CCDC146: variants seen among roughly 807,000 people sequenced by gnomAD.
The protein encoded by CCDC146 is coiled-coil domain-containing protein 146.
Under a neutral mutation model 119.3 loss-of-function variants are expected in CCDC146, and 92 were observed. That is an observed-to-expected ratio of 0.77 (90% CI 0.65 to 0.92). CCDC146 has a LOEUF of 0.92. Ranked by LOEUF, CCDC146 falls within the 40% of genes least tolerant of loss-of-function variation. The pLI, the probability that CCDC146 is intolerant of heterozygous loss-of-function variation, is 0.00. For synonymous variants in CCDC146, 372 were observed against 371.8 expected, an observed-to-expected ratio of 1.00 and a Z score of -0.01; for missense variants, 1,000 against 1,103.0, an observed-to-expected ratio of 0.91 and a Z score of 1.32.
intron 2 of CCDC146, among the ~76,000 whole-genome samples, chr7:77,180,123 A>G (rs1791561556): frequency 6.6e-6 from 1 of 151,464 alleles, no homozygotes. Context: ...TACCATATAT[A>G]TGCACCCATA....
chr7:77,131,001 C>T (rs1336230190), intron 1 of CCDC146, among the ~76,000 whole-genome samples: 1 of 151,786 alleles, frequency 6.6e-6, no homozygotes, highest in Non-Finnish European at 1.5e-5. Context: ...AAGCGATTCT[C>T]CCGCCTCAGG....
In CCDC146 at chr7:77,265,485, T is replaced by C. The variant is rs540782303; in HGVS notation, c.1173+3178T>C. 1.4e-4 allele frequency among the ~76,000 whole-genome samples: 21 copies of C among 152,274 alleles called. No individual in the cohort carries two copies. In the South Asian group the frequency reaches 1.5e-3, roughly 11 times the overall value. ...TAACCTAAATAGAAGCAATAATTTG[T>C]CTCATAAATTAATACTTCTTAGCTC... On this transcript the variant is annotated intron_variant, in intron 9 of 18. Transcript: ENST00000285871.
intron 2 of CCDC146, among the ~76,000 whole-genome samples, chr7:77,211,688 T>C (rs1792187610): frequency 6.6e-6 from 1 of 152,132 alleles, no homozygotes; most frequent in Non-Finnish European, 1.5e-5. Flanking sequence ...TGATCTCAGC[T>C]CACTGTAACC....
intron 4 of CCDC146, among the ~76,000 whole-genome samples, chr7:77,252,172 T>A (rs1793088326): frequency 6.6e-6 from 1 of 151,662 alleles, no homozygotes; most frequent in Admixed American, 6.6e-5. Flanking sequence ...CAAAAACAGA[T>A]CTATAGGCAT....
chr7:77,153,284 A>T (rs1791132110), intron 1 of CCDC146, among the ~76,000 whole-genome samples: 1 of 152,212 alleles, frequency 6.6e-6, no homozygotes, highest in Non-Finnish European at 1.5e-5. Flanking sequence ...GGTGTGAGAA[A>T]GAGGAAGGGG....
At chr7:77,266,421 T>C (rs539926459) in intron 9 of CCDC146, among the ~76,000 whole-genome samples, 5 of 152,338 alleles carry the variant, frequency 3.3e-5, no homozygotes, top group Non-Finnish European at 5.9e-5. Flanking sequence ...AGATTCTAGA[T>C]CCATTGAATT....
rs1164799911 is a variant in CCDC146 at position 77,122,743 on chromosome 7, G to C, written c.-12+11G>C. 1 of 158,278 alleles carries C rather than the reference G, an allele frequency of 6.3e-6. No homozygotes were observed. The highest frequency in any genetic ancestry group is 1.4e-5 in the Non-Finnish European group (1 of 70,912). 9.8% of individuals were successfully genotyped at this position (158,278 alleles called of 1,614,324 possible). On this transcript the variant is annotated intron_variant, in intron 1 of 18. Coordinates refer to ENST00000285871, the MANE Select transcript of CCDC146 (RefSeq NM_020879.3). ...GGACCAAGGGAAGGGGTAAGAAACT[G>C]CGCTTTTTAAGTTGACAACTAGGTG...
At chr7:77,138,956 T>A (rs577050504) in intron 1 of CCDC146, among the ~76,000 whole-genome samples, 1 of 152,346 alleles carries the variant, frequency 6.6e-6, no homozygotes, top group African/African-American at 2.4e-5. Context: ...ATAGGCAGCG[T>A]CTTACAAAAC....
At chr7:77,128,778 G>T (rs1790743386) in intron 1 of CCDC146, among the ~76,000 whole-genome samples, 1 of 152,136 alleles carries the variant, frequency 6.6e-6, no homozygotes, top group African/African-American at 2.4e-5. Flanking sequence ...TGGAAAGAGA[G>T]TGTGTGGGGG....
intron 14 of CCDC146, 92 bp from the exon 15 acceptor site, chr7:77,282,465 T>C (rs1793781506): frequency 2.6e-6 from 2 of 756,722 alleles, no homozygotes; most frequent in South Asian, 3.7e-5. Context: ...ATGTTGTGTA[T>C]ATCTTGCATC....
intron 17 of CCDC146, among the ~76,000 whole-genome samples, chr7:77,288,522 C>G (rs1793888573): frequency 1.3e-5 from 2 of 152,218 alleles, no homozygotes; most frequent in South Asian, 4.1e-4. Flanking sequence ...TCAGTCTACC[C>G]CTACACAAGA....
Position 77,196,189 on chromosome 7 carries a change from G to T in CCDC146, c.156+28365G>T. On this transcript the variant is annotated intron_variant, in intron 2 of 18. Coordinates refer to ENST00000285871, the MANE Select transcript of CCDC146 (RefSeq NM_020879.3). The surrounding 1 kb of genome is among the most constrained non-coding windows in gnomAD (Gnocchi z 4.2). ...CCGTCAGACATCATTTTTTAGCTAT[G>T]AAAAATATGAAACAAGGCATATTCT... 1 of 927,706 alleles carries T rather than the reference G, an allele frequency of 1.1e-6. No homozygotes were observed. The highest frequency in any genetic ancestry group is 1.7e-5 in the South Asian group (1 of 57,246). The allele number at this position is 927,706 out of a possible 1,614,324, so 57.5% of individuals were successfully genotyped here. A position where few individuals can be genotyped will look rare whatever the true frequency, so the allele number is the denominator to read the frequency against.
chr7:77,196,255 A>G lies in CCDC146; in HGVS notation c.156+28431A>G. The G allele has an allele frequency of 6.5e-7, 1 of 1,549,866 alleles. No homozygotes were observed. Among genetic ancestry groups the G allele is most frequent in the South Asian group, 1.1e-5 (1 of 87,348 alleles). On this transcript the variant is annotated intron_variant, in intron 2 of 18. Coordinates refer to ENST00000285871, the MANE Select transcript of CCDC146 (RefSeq NM_020879.3). The surrounding 1 kb of genome is among the most constrained non-coding windows in gnomAD (Gnocchi z 4.2). ...TTAATTGCCCTATTAGATAACGAATACCTGGAGGAATGAACAGAGTGATTT... is the reference window on the plus strand; with the variant it reads ...TTAATTGCCCTATTAGATAACGAATGCCTGGAGGAATGAACAGAGTGATTT...
chr7:77,126,284 A>G (rs2117382771), intron 1 of CCDC146, among the ~76,000 whole-genome samples: 1 of 152,180 alleles, frequency 6.6e-6, no homozygotes, highest in South Asian at 2.1e-4. Flanking sequence ...CATTCCCTCA[A>G]TAAGCTACAT....
At chr7:77,130,654 A>G (rs1408122384) in intron 1 of CCDC146, among the ~76,000 whole-genome samples, 2 of 139,288 alleles carry the variant, frequency 1.4e-5, no homozygotes, top group Non-Finnish European at 3.0e-5. Flanking sequence ...GCTGGAGTGC[A>G]GTGGCGCGAT....
intron 2 of CCDC146, among the ~76,000 whole-genome samples, chr7:77,183,190 C>T (rs1396251173): frequency 1.3e-5 from 2 of 151,994 alleles, no homozygotes; most frequent in Non-Finnish European, 2.9e-5. Flanking sequence ...AGAAACAGGG[C>T]TTCCCACCCT....
Sources: gnomAD v4.1 joint callset for allele counts (sites outside exome capture counted in the v4.1 genomes callset) on GRCh38, gnomAD v4.1.1 for gene constraint, Gnocchi (gnomAD v3.1) non-coding constraint, MANE v1.5 for transcripts, NCBI Gene and HGNC (gene_info 2026-07-23, HGNC 2026-07-21) for gene names.